Variants in TBX5 observed in about 807,000 individuals in gnomAD.
The protein encoded by TBX5 is T-box transcription factor TBX5.
Under a neutral mutation model 51.1 loss-of-function variants are expected in TBX5, and 8 were observed. That is an observed-to-expected ratio of 0.16 (90% CI 0.09 to 0.28). The LOEUF (loss-of-function observed/expected upper bound fraction) is 0.28, where lower values mean the gene tolerates loss of function less well. Among genes scored for constraint, TBX5 ranks in the 10% least tolerant of loss-of-function variants. The pLI is 1.00. For synonymous variants in TBX5, 302 were observed against 266.4 expected (o/e 1.13, Z -1.30); for missense variants, 589 against 671.7 (o/e 0.88, Z 1.36).
chr12:114,364,581 C>T (rs1869412934), intron 8 of TBX5, among the ~76,000 whole-genome samples: 1 of 152,130 alleles, frequency 6.6e-6, no homozygotes. Flanking sequence ...AAACTTTAGC[C>T]TACCCCATCC....
chr12:114,376,317 TA>T (rs1870187500), intron 7 of TBX5, among the ~76,000 whole-genome samples: 1 of 151,782 alleles, frequency 6.6e-6, no homozygotes, highest in Non-Finnish European at 1.5e-5. Context: ...GCCTTAAAAA[TA>T]AAGAAGGAAA....
intron 2 of TBX5, among the ~76,000 whole-genome samples, chr12:114,403,285 A>G (rs377114146): frequency 7.9e-4 from 121 of 152,290 alleles, no homozygotes; most frequent in Non-Finnish European, 1.2e-3. Flanking sequence ...AGGAGGAGGC[A>G]GGAGGAGGCG....
chr12:114,385,015 C>T (rs1429858878), intron 7 of TBX5, among the ~76,000 whole-genome samples: 5 of 151,736 alleles, frequency 3.3e-5, no homozygotes, highest in Admixed American at 3.3e-4. Context: ...CTCCAGTGCC[C>T]TGGACACCAC....
chr12:114,355,954 T>G lies in TBX5; in HGVS notation c.1135A>C (p.Met379Leu), dbSNP rs759607221. The change falls in exon 9 of 9, where the codon ATG becomes CTG. Residue 379 changes from methionine to leucine, a missense_variant. Met to Leu is a conservative substitution (Grantham distance 15, BLOSUM62 2). Around this residue, in one of 7 missense-constraint regions of TBX5, gnomAD observed 348 missense variants for 360.4 expected, o/e 0.97. Coordinates refer to ENST00000405440, the MANE Select transcript of TBX5 (RefSeq NM_181486.4). ...CTGGGGGGCGCAGAGCTGGCATACA[T>G]GCAAGCTTGCCGCTGTGCCGACTCT... ...RTESAQRQAC[M>L]YASSAPPSEP... is the part of the protein sequence containing the mutation. 8 of 1,613,864 alleles carry G rather than the reference T, an allele frequency of 5.0e-6. No individual in the cohort carries two copies. Among genetic ancestry groups the G allele is most frequent in the African/African-American group, 1.3e-5 (1 of 74,934 alleles).
Position 114,366,322 on chromosome 12 carries a change from G to C in TBX5, c.825C>G (p.Ser275Arg). 6.2e-7 allele frequency: 1 copy of C among 1,614,092 alleles called. No homozygotes were observed. Among genetic ancestry groups the C allele is most frequent in the East Asian group, 2.2e-5 (1 of 44,868 alleles). ...QKVASNHSPF[S>R]SESRALSTSS... ...AGGTGGAGAGAGCTCGAGACTCGCT[G>C]CTGAAAGGACTGTGGTTGGAGGCCA... The change falls in exon 8 of 9, where the codon AGC (serine) becomes AGG (arginine). Residue 275 changes from serine (S) to arginine (R), a missense_variant. This residue lies in a region of TBX5 where 348 missense variants were observed against 360.4 expected (regional missense o/e 0.97). Transcript: ENST00000405440.
intron 7 of TBX5, among the ~76,000 whole-genome samples, chr12:114,382,564 C>T (rs1007512528): frequency 2.0e-5 from 3 of 151,676 alleles, no homozygotes; most frequent in Admixed American, 2.0e-4. Context: ...TTTGGGAGGC[C>T]GAGGCGGGTG....
chr12:114,394,555 T>C lies in TBX5; in HGVS notation c.663+186A>G, dbSNP rs2236018. 0.58 allele frequency among the ~76,000 whole-genome samples: 88,654 copies of C among 152,006 alleles called. 26,507 individuals carry two copies. The highest frequency in any genetic ancestry group is 0.72 in the Admixed American group (11,036 of 15,278). ...TGTGGTGGTGACTGTCAAGCCAAGC[T>C]CGTGGATATAGTAAAAACAGCTGAA... On this transcript the variant is annotated intron_variant, in intron 6 of 8. Transcript: ENST00000405440.
At chr12:114,380,708 T>C (rs1012475201) in intron 7 of TBX5, among the ~76,000 whole-genome samples, 1 of 152,206 alleles carries the variant, frequency 6.6e-6, no homozygotes, top group East Asian at 1.9e-4. Context: ...TATGCACCTG[T>C]AGTCCAGCTA....
At chr12:114,391,112 C>T (rs778003939) in intron 6 of TBX5, among the ~76,000 whole-genome samples, 35 of 152,164 alleles carry the variant, frequency 2.3e-4, no homozygotes, top group Admixed American at 9.8e-4. Flanking sequence ...AGGCACTGGG[C>T]CCTTTGACCA....
chr12:114,374,892 G>A (rs929484745), intron 7 of TBX5, among the ~76,000 whole-genome samples: 14 of 152,118 alleles, frequency 9.2e-5, no homozygotes, highest in African/African-American at 3.4e-4. Context: ...GAGGGAGAGA[G>A]GGACGGAAGG....
At chr12:114,399,772 G>T in intron 3 of TBX5, 140 bp from the exon 4 acceptor site, 2 of 1,379,016 alleles carry the variant, frequency 1.5e-6, no homozygotes, top group Non-Finnish European at 2.0e-6. Flanking sequence ...CTCTCCGCAA[G>T]ATCCATCCCG....
chr12:114,375,939 G>A (rs1345585258), intron 7 of TBX5, among the ~76,000 whole-genome samples: 2 of 152,118 alleles, frequency 1.3e-5, no homozygotes, highest in Admixed American at 6.6e-5. Flanking sequence ...CAGCTACTTG[G>A]ATGGCTGAGG....
intron 6 of TBX5, among the ~76,000 whole-genome samples, chr12:114,386,274 G>A (rs144074429): frequency 2.4e-4 from 37 of 152,272 alleles, no homozygotes; most frequent in African/African-American, 7.5e-4. Context: ...CTTTTTGCAC[G>A]TTTTGGTTCC....
At chr12:114,380,768 G>A (rs1454421921) in intron 7 of TBX5, among the ~76,000 whole-genome samples, 1 of 152,194 alleles carries the variant, frequency 6.6e-6, no homozygotes, top group Non-Finnish European at 1.5e-5. Context: ...GTTCGAGGCT[G>A]CAGTGAGCTA....
At chr12:114,406,176 C>T (rs907719727), upstream of TBX5, 6 of 241,432 alleles carry the variant, frequency 2.5e-5, no homozygotes, top group Admixed American at 2.0e-4. Context: ...TCCCACTGCA[C>T]TCTGTCGCCC....
intron 7 of TBX5, among the ~76,000 whole-genome samples, chr12:114,368,348 A>G (rs959099728): frequency 6.6e-6 from 1 of 152,138 alleles, no homozygotes; most frequent in Non-Finnish European, 1.5e-5. Flanking sequence ...CAATCAATCA[A>G]TCAATCAATC....
chr12:114,363,789 T>C (rs1018320528), intron 8 of TBX5, among the ~76,000 whole-genome samples: 1 of 152,208 alleles, frequency 6.6e-6, no homozygotes, highest in African/African-American at 2.4e-5. Context: ...TACTCCATAG[T>C]GTTGTCGAAA....
At chr12:114,377,661 C>T (rs537609945) in intron 7 of TBX5, among the ~76,000 whole-genome samples, 176 of 149,364 alleles carry the variant, frequency 1.2e-3, no homozygotes, top group Admixed American at 5.5e-3. Flanking sequence ...AGCAATTCTC[C>T]TCCTGTCTCA....
intron 5 of TBX5, among the ~76,000 whole-genome samples, chr12:114,397,431 T>C (rs532169226): frequency 4.6e-5 from 7 of 152,356 alleles, no homozygotes; most frequent in African/African-American, 1.4e-4. Flanking sequence ...TACCCACTTG[T>C]ATGGCAGAAT....
Sources: gnomAD v4.1 joint callset for allele counts (sites outside exome capture counted in the v4.1 genomes callset) on GRCh38, gnomAD v4.1.1 for gene constraint, gnomAD v4.1.1 regional missense constraint, MANE v1.5 for transcripts, NCBI Gene and HGNC (gene_info 2026-07-23, HGNC 2026-07-21) for gene names.